FAM135A: variants seen among roughly 807,000 people sequenced by gnomAD.
FAM135A encodes the protein protein FAM135A.
FAM135A carries 79 observed loss-of-function variants against 146.8 expected under a neutral mutation model. The ratio of observed to expected loss-of-function variants is 0.54; its 90% CI spans 0.45 to 0.65. The LOEUF (loss-of-function observed/expected upper bound fraction) is 0.65. Ranked by LOEUF, FAM135A falls within the 30% of genes least tolerant of loss-of-function variation. The pLI is 0.00. For synonymous variants in FAM135A, 562 were observed against 603.6 expected, an observed-to-expected ratio of 0.93 and a Z score of 1.01; for missense variants, 1,623 against 1,758.2, an observed-to-expected ratio of 0.92 and a Z score of 1.38.
At position 70,524,146 on chromosome 6, in the gene FAM135A, A is replaced by G. The variant is rs765186364; in HGVS notation, c.1258+25A>G. Reference sequence around the variant, plus strand: ...GGTAAGTGTAATCTAACTAAAATATACAAGCTATGTGTATAGTTTTCAGTA... The same window carrying G: ...GGTAAGTGTAATCTAACTAAAATATGCAAGCTATGTGTATAGTTTTCAGTA... On this transcript the variant is annotated intron_variant, in intron 14 of 21. Transcript: ENST00000418814. The G allele has an allele frequency of 3.2e-6, 5 of 1,586,232 alleles. No individual in the cohort carries two copies. The South Asian group carries it at 3.4e-5, about 11-fold the overall frequency.
At chr6:70,414,816 A>G (rs1767190649) in intron 1 of FAM135A, among the ~76,000 whole-genome samples, 1 of 152,226 alleles carries the variant, frequency 6.6e-6, no homozygotes, top group Non-Finnish European at 1.5e-5. Flanking sequence ...AAGCAACTTG[A>G]GTACAGACTA....
At chr6:70,474,815 C>T (rs925227176) in intron 5 of FAM135A, among the ~76,000 whole-genome samples, 7 of 152,112 alleles carry the variant, frequency 4.6e-5, no homozygotes, top group African/African-American at 1.7e-4. Context: ...ACTGAATCAT[C>T]GCCCATGTCG....
intron 5 of FAM135A, among the ~76,000 whole-genome samples, chr6:70,468,503 G>C (rs1194413597): frequency 6.6e-6 from 1 of 152,190 alleles, no homozygotes; most frequent in African/African-American, 2.4e-5. Context: ...ATGGGACTTG[G>C]AAGAGTGAAT....
At chr6:70,455,381 TACACACACAC>T (rs34915267) in intron 5 of FAM135A, among the ~76,000 whole-genome samples, 28 of 146,158 alleles carry the variant, frequency 1.9e-4, no homozygotes, top group Admixed American at 1.2e-3. Context: ...TTATGACAAA[TACACACACAC>T]ACACACACAC....
chr6:70,454,469 T>C (rs1373233303), intron 5 of FAM135A, among the ~76,000 whole-genome samples: 4 of 152,236 alleles, frequency 2.6e-5, no homozygotes, highest in Admixed American at 6.5e-5. Flanking sequence ...GTTTTAGTCA[T>C]GAAGTCCTTG....
intron 20 of FAM135A, among the ~76,000 whole-genome samples, chr6:70,553,674 G>A (rs1173772272): frequency 4.0e-5 from 6 of 150,706 alleles, no homozygotes; most frequent in Non-Finnish European, 7.4e-5. Flanking sequence ...TTTTCTAAAC[G>A]TTACAATGAA....
chr6:70,537,963 T>A (rs533491560), intron 19 of FAM135A, among the ~76,000 whole-genome samples: 5 of 110,056 alleles, frequency 4.5e-5, no homozygotes, highest in South Asian at 2.7e-4. Context: ...TTTCTTCATC[T>A]TCTTCTTTAT....
At chr6:70,490,733 C>T (rs1237809306) in intron 10 of FAM135A, among the ~76,000 whole-genome samples, 1 of 151,858 alleles carries the variant, frequency 6.6e-6, no homozygotes, top group South Asian at 2.1e-4. Flanking sequence ...ACAGTAAAAT[C>T]TAATTATATA....
In FAM135A at chr6:70,494,347, T is replaced by C. The variant is rs10434823; in HGVS notation, c.873+3264T>C. 3.0e-3 allele frequency among the ~76,000 whole-genome samples: 456 copies of C among 152,002 alleles called. 15 individuals carry two copies. In the East Asian group the frequency reaches 0.079, roughly 26 times the overall value. On this transcript the variant is annotated intron_variant, in intron 11 of 21. Coordinates refer to ENST00000418814, the MANE Select transcript of FAM135A (RefSeq NM_001162529.3). ...ATGTGATTTGAAAAAAACACAAATA[T>C]AGCCAGACACAGTGGCACACAATTG...
chr6:70,463,080 T>G (rs547649543), intron 5 of FAM135A, among the ~76,000 whole-genome samples: 6 of 152,302 alleles, frequency 3.9e-5, no homozygotes, highest in Non-Finnish European at 7.4e-5. Context: ...GAATTTTGTT[T>G]CCCACCATTC....
At chr6:70,493,358 A>C (rs1786480454) in intron 11 of FAM135A, among the ~76,000 whole-genome samples, 1 of 152,164 alleles carries the variant, frequency 6.6e-6, no homozygotes, top group Admixed American at 6.5e-5. Flanking sequence ...CGTGACGAAT[A>C]AGGTTTGTAA....
At chr6:70,425,048 A>G (rs1769735693) in intron 2 of FAM135A, among the ~76,000 whole-genome samples, 1 of 150,278 alleles carries the variant, frequency 6.7e-6, no homozygotes, top group African/African-American at 2.4e-5. Flanking sequence ...CAAATCCCAA[A>G]CCTATATTTT....
intron 4 of FAM135A, among the ~76,000 whole-genome samples, chr6:70,435,539 G>A (rs1268207029): frequency 6.6e-6 from 1 of 151,262 alleles, no homozygotes; most frequent in Non-Finnish European, 1.5e-5. Context: ...TTTTTTTTGA[G>A]ATGGAGTTTC....
At chr6:70,551,671 C>T (rs1260111157) in intron 20 of FAM135A, among the ~76,000 whole-genome samples, 1 of 151,874 alleles carries the variant, frequency 6.6e-6, no homozygotes, top group Non-Finnish European at 1.5e-5. Context: ...ATTTAGATGC[C>T]ATTGTGGGGT....
At chr6:70,447,083 G>A (rs113837120) in intron 4 of FAM135A, among the ~76,000 whole-genome samples, 19,854 of 152,172 alleles carry the variant, frequency 0.13, 1,543 homozygotes, top group Middle Eastern at 0.19. Flanking sequence ...TAAATTGAGC[G>A]GGTTGAATTG....
At chr6:70,440,444 T>G (rs1341974001) in intron 4 of FAM135A, among the ~76,000 whole-genome samples, 1 of 152,178 alleles carries the variant, frequency 6.6e-6, no homozygotes, top group East Asian at 1.9e-4. Flanking sequence ...CCCAGCACTT[T>G]GAGAGGCTGA....
At chr6:70,537,351 T>C (rs1199369546) in intron 19 of FAM135A, among the ~76,000 whole-genome samples, 2 of 152,210 alleles carry the variant, frequency 1.3e-5, no homozygotes, top group African/African-American at 2.4e-5. Flanking sequence ...TCTCTTTTCA[T>C]TGATCCCTGA....
chr6:70,536,496 C>T, intron 19 of FAM135A, 85 bp downstream of exon 19: 1 of 1,155,804 alleles, frequency 8.7e-7, no homozygotes, highest in Non-Finnish European at 1.1e-6. Context: ...TATTTTAGAA[C>T]CAGTTTGTCA....
intron 19 of FAM135A, 53 bp downstream of exon 19, chr6:70,536,464 G>A: frequency 2.2e-6 from 3 of 1,366,222 alleles, no homozygotes; most frequent in Non-Finnish European, 2.9e-6. Context: ...AGAAAAATAT[G>A]AACTTAGTAT....
Sources: allele counts gnomAD v4.1 joint callset (sites outside exome capture counted in the v4.1 genomes callset), GRCh38; gene constraint gnomAD v4.1.1; transcripts MANE v1.5; gene names NCBI Gene and HGNC (gene_info 2026-07-23, HGNC 2026-07-21).